MYL2: variants seen among roughly 807,000 people sequenced by gnomAD.
MYL2 encodes the protein myosin regulatory light chain 2, ventricular/cardiac muscle isoform.
A neutral mutation model predicts 23.0 loss-of-function variants in MYL2; 19 were observed. The observed-to-expected ratio is 0.83, with a 90% CI of 0.58 to 1.21. The LOEUF is 1.21. Ranked by LOEUF, MYL2 falls within the 50% of genes most tolerant of loss-of-function variation. The probability of loss-of-function intolerance (pLI) is 0.00; values close to 1 mark genes in which losing one functional copy is unlikely to be tolerated. For missense variants in MYL2, 180 were observed against 215.1 expected, an observed-to-expected ratio of 0.84 and a Z score of 1.02; for synonymous variants, 78 against 76.2, an observed-to-expected ratio of 1.02 and a Z score of -0.13.
chr12:110,919,344 C>T (rs1163194163), intron 1 of MYL2, 151 bp from the exon 2 acceptor site: 20 of 650,866 alleles, frequency 3.1e-5, no homozygotes, highest in South Asian at 1.7e-4. Flanking sequence ...GGTCTCCAAA[C>T]GGTGATGCTG....
At position 110,914,180 on chromosome 12, in the gene MYL2, C is replaced by T; in HGVS notation, c.274+6G>A. The T allele has an allele frequency of 6.2e-7, 1 of 1,602,402 alleles. No homozygotes were observed. Among genetic ancestry groups the T allele is most frequent in the South Asian group, 1.1e-5 (1 of 90,718 alleles). ...CACAGACACACACACACACACACGACCTTACCCTTAAGTTTCTCCCCAAAC... is the reference window on the plus strand; with the variant it reads ...CACAGACACACACACACACACACGATCTTACCCTTAAGTTTCTCCCCAAAC... On this transcript the variant is annotated splice_donor_region_variant and intron_variant, in intron 4 of 6. Transcript: ENST00000228841.
chr12:110,917,384 A>G (rs2071693910), intron 2 of MYL2, among the ~76,000 whole-genome samples: 1 of 151,358 alleles, frequency 6.6e-6, no homozygotes, highest in Non-Finnish European at 1.5e-5. Flanking sequence ...ACTTGAGGCC[A>G]GGAGTTTGAG....
Position 110,918,189 on chromosome 12 carries a change from G to T in MYL2, c.93+915C>A, listed in dbSNP as rs79904317. Among the ~76,000 whole-genome samples the T allele has an allele frequency of 6.6e-6, 1 of 152,166 alleles. No homozygotes were observed. The highest frequency in any genetic ancestry group is 6.5e-5 in the Admixed American group (1 of 15,282). On this transcript the variant is annotated intron_variant, in intron 2 of 6. Coordinates refer to ENST00000228841, the MANE Select transcript of MYL2 (RefSeq NM_000432.4). The surrounding 1 kb of genome is among the most constrained non-coding windows in gnomAD (Gnocchi z 4.4). ...ATGAGTCAGTGTGAGCCCTCGCAAC[G>T]GCTGGAAAATGAATTCTGAGCCTGT...
chr12:110,919,998 T>C (rs1042870112), intron 1 of MYL2, among the ~76,000 whole-genome samples: 5 of 152,088 alleles, frequency 3.3e-5, no homozygotes, highest in Non-Finnish European at 5.9e-5. Flanking sequence ...GGCGTTGAAC[T>C]TGGGGAGTTG....
At chr12:110,915,689 A>G (rs771104475) in intron 3 of MYL2, 26 bp downstream of exon 3, 2 of 1,604,170 alleles carry the variant, frequency 1.2e-6, no homozygotes, top group African/African-American at 2.7e-5. Flanking sequence ...AGAGACCCTC[A>G]TGCAGGGCTA....
At chr12:110,913,419 GC>G in intron 4 of MYL2, 95 bp from the exon 5 acceptor site, 1 of 1,274,144 alleles carries the variant, frequency 7.8e-7, no homozygotes, top group Non-Finnish European at 1.1e-6. Context: ...AGATGAAGGG[GC>G]CAGAGCAAGG....
Position 110,914,279 on chromosome 12 carries a change from C to G in MYL2, c.181G>C (p.Val61Leu), listed in dbSNP as rs730880949. Reference sequence around the variant, plus strand: ...ATTTCATCAATTTCTTCATTTTTCACGTTCACTCGCCCTAGGGTAGGAAAC... The same window carrying G: ...ATTTCATCAATTTCTTCATTTTTCAGGTTCACTCGCCCTAGGGTAGGAAAC... ...DTFAALGRVN[V>L]KNEEIDEMIK... is the part of the protein sequence containing the mutation. The change falls in exon 4 of 7, where the codon GTG becomes CTG. Residue 61 changes from valine to leucine, a missense_variant. Transcript: ENST00000228841. 2 of 1,613,794 alleles carry G rather than the reference C, an allele frequency of 1.2e-6. No homozygotes were observed. The highest frequency in any genetic ancestry group is 1.7e-6 in the Non-Finnish European group (2 of 1,179,756).
At chr12:110,914,646 G>A (rs905064480) in intron 3 of MYL2, among the ~76,000 whole-genome samples, 16 of 152,294 alleles carry the variant, frequency 1.1e-4, no homozygotes, top group African/African-American at 3.8e-4. Context: ...AGCCTCCCAA[G>A]TAGCTGGGAT....
chr12:110,916,899 A>T (rs117607209), intron 2 of MYL2, among the ~76,000 whole-genome samples: 9,641 of 152,154 alleles, frequency 0.063, 426 homozygotes, highest in East Asian at 0.21. Context: ...CCCAGGCCGC[A>T]GTGCAGTGGT....
upstream of MYL2, among the ~76,000 whole-genome samples, chr12:110,921,068 T>C (rs190091182): frequency 3.3e-4 from 51 of 152,268 alleles, 1 homozygote; most frequent in East Asian, 9.3e-3. Flanking sequence ...ATCTTTAAAA[T>C]AACCATGAAG....
chr12:110,916,709 C>T (rs112285632), intron 2 of MYL2, among the ~76,000 whole-genome samples: 2 of 152,046 alleles, frequency 1.3e-5, no homozygotes, highest in African/African-American at 2.4e-5. Flanking sequence ...GGGTTTCTTT[C>T]GGGGGTGATG....
chr12:110,920,773 G>A (rs2071718961), upstream of MYL2: 1 of 613,132 alleles, frequency 1.6e-6, no homozygotes, highest in South Asian at 1.9e-5. Flanking sequence ...CAAGGTTAAA[G>A]AGGCAGTAGC....
In MYL2 at chr12:110,915,695, G is replaced by A. The variant is rs2071683455; in HGVS notation, c.169+20C>T. 1 of 1,608,724 alleles carries A rather than the reference G, an allele frequency of 6.2e-7. No homozygotes were observed. The highest frequency in any genetic ancestry group is 8.5e-7 in the Non-Finnish European group (1 of 1,175,120). On this transcript the variant is annotated intron_variant, in intron 3 of 6. Coordinates refer to ENST00000228841, the MANE Select transcript of MYL2 (RefSeq NM_000432.4). ...GTGAGATAAAGAGACCCTCATGCAG[G>A]GCTAGAGAGGGTGACATACCAAGGG...
intron 3 of MYL2, 136 bp from the exon 4 acceptor site, chr12:110,914,426 G>T (rs1478390271): frequency 4.4e-6 from 3 of 687,332 alleles, no homozygotes; most frequent in Admixed American, 2.1e-5. Flanking sequence ...TGGAGGCAAA[G>T]ATCTTTTCTG....
chr12:110,915,110 C>T (rs2071680324), intron 3 of MYL2, among the ~76,000 whole-genome samples: 1 of 152,194 alleles, frequency 6.6e-6, no homozygotes, highest in Non-Finnish European at 1.5e-5. Flanking sequence ...TAAAAAGCTA[C>T]ACTCACTACA....
chr12:110,917,976 C>T (rs143939817), intron 2 of MYL2, among the ~76,000 whole-genome samples: 1,871 of 152,220 alleles, frequency 0.012, 25 homozygotes, highest in Admixed American at 0.021. Context: ...CCCAGCTACT[C>T]AGGAGGCTGA....
upstream of MYL2, chr12:110,920,655 C>T (rs2071717359): frequency 6.8e-6 from 10 of 1,465,136 alleles, no homozygotes; most frequent in Non-Finnish European, 9.5e-6. Flanking sequence ...TTTTGGCAGT[C>T]ATAGGTGAGG....
At chr12:110,914,772 C>T (rs774658768) in intron 3 of MYL2, among the ~76,000 whole-genome samples, 13 of 152,080 alleles carry the variant, frequency 8.5e-5, no homozygotes, top group Non-Finnish European at 1.5e-4. Context: ...CTCCAGCCTA[C>T]GCCTCCCAAA....
intron 3 of MYL2, 106 bp downstream of exon 3, chr12:110,915,609 C>G: frequency 3.3e-6 from 4 of 1,196,594 alleles, no homozygotes; most frequent in Non-Finnish European, 1.2e-6. Context: ...AGAGTTGTTT[C>G]TTTGGGAAAT....
Sources: allele counts gnomAD v4.1 joint callset (sites outside exome capture counted in the v4.1 genomes callset), GRCh38; gene constraint gnomAD v4.1.1; non-coding constraint Gnocchi (gnomAD v3.1); transcripts MANE v1.5; gene names NCBI Gene and HGNC (gene_info 2026-07-23, HGNC 2026-07-21).